SMIM27: variants seen among roughly 807,000 people sequenced by gnomAD.
The protein encoded by SMIM27 is TOPORS antisense RNA 1 (non-protein coding).
In SMIM27, 3 loss-of-function variants were observed where a neutral mutation model predicts 1.8. The observed-to-expected ratio is 1.65, with a 90% confidence interval of 0.75 to 4.28. The LOEUF is 4.28. Among genes scored for constraint, SMIM27 ranks in the 30% most tolerant of loss-of-function variants. The pLI, the probability that SMIM27 is intolerant of heterozygous loss-of-function variation, is 0.02. For synonymous variants in SMIM27, 19 were observed against 13.9 expected (o/e 1.37, Z -0.82); for missense variants, 63 against 37.0 (o/e 1.70, Z -1.83).
downstream of SMIM27, chr9:32,553,749 C>T (rs749741821): frequency 1.5e-6 from 1 of 685,522 alleles, no homozygotes; most frequent in East Asian, 2.7e-5. Context: ...TTGTACAATG[C>T]TTGAAAACAG....
intron 1 of SMIM27, chr9:32,565,297 A>G (rs550576770): frequency 7.2e-5 from 11 of 152,288 alleles, no homozygotes; most frequent in African/African-American, 2.6e-4. Flanking sequence ...GTCTCAAAAA[A>G]AAAAAAGAAA....
At chr9:32,561,493 A>G (rs34866437) in intron 1 of SMIM27, among the ~76,000 whole-genome samples, 15,640 of 151,978 alleles carry the variant, frequency 0.1, 1,035 homozygotes, top group Middle Eastern at 0.28. Context: ...AAGCCCAGCT[A>G]ATTTTTTTGT....
chr9:32,555,872 A>G (rs775548959), downstream of SMIM27, among the ~76,000 whole-genome samples: 3 of 152,232 alleles, frequency 2.0e-5, no homozygotes, highest in African/African-American at 7.2e-5. Flanking sequence ...GTGCCCATTC[A>G]AGTAATTTCT....
At chr9:32,558,112 T>C (rs1038571567) in intron 1 of SMIM27, among the ~76,000 whole-genome samples, 1 of 131,910 alleles carries the variant, frequency 7.6e-6, no homozygotes, top group Non-Finnish European at 1.7e-5. Context: ...ACATTCATAG[T>C]ATACATTTTT....
upstream of SMIM27, chr9:32,551,152 T>G (rs1171735098): frequency 1.1e-5 from 8 of 720,770 alleles, no homozygotes; most frequent in African/African-American, 1.7e-5. Context: ...CCCCCGCCGC[T>G]CCAGACCCCG....
Position 32,559,188 on chromosome 9 carries a change from C to A in SMIM27, c.45+6709C>A, listed in dbSNP as rs536802070. On this transcript the variant is annotated intron_variant, in intron 1 of 1. Coordinates refer to the SMIM27 transcript ENST00000451672. Reference sequence around the variant, plus strand: ...CCAAACTGTTCCTCCCCATGTCCCCCATCTCAGTAAATGACACTCTTATTC... The same window carrying A: ...CCAAACTGTTCCTCCCCATGTCCCCAATCTCAGTAAATGACACTCTTATTC... Among the ~76,000 whole-genome samples the A allele has an allele frequency of 7.6e-4, 116 of 152,262 alleles. No individual in the cohort carries two copies. The Middle Eastern group carries it at 0.01, about 13-fold the overall frequency.
Position 32,566,646 on chromosome 9 carries a change from C to A in SMIM27, c.*193C>A, listed in dbSNP as rs143847186. ...TGCACCCACCATGGAGGAGCAGGAG[C>A]TCACCTCTCTCAGGTAACTCCGGAT... is the stretch of plus-strand genomic sequence containing the variant. On this transcript the variant is annotated 3_prime_UTR_variant, in exon 2 of 2. Transcript: ENST00000451672. 5,949 of 797,796 alleles carry A rather than the reference C, an allele frequency of 7.5e-3. 69 individuals carry two copies. The highest frequency in any genetic ancestry group is 6.4e-3 in the Non-Finnish European group (2,792 of 435,670). 49.4% of individuals were successfully genotyped at this position (797,796 alleles called of 1,614,324 possible).
Position 32,563,491 on chromosome 9 carries a change from C to CTTTTTTTTTTTTTTTTTTTTTTTTT in SMIM27, c.46-2887_46-2886insTTTTTTTTTTTTTTTTTTTTTTTTT, listed in dbSNP as rs111646430. 1.4e-4 allele frequency among the ~76,000 whole-genome samples: 13 copies of CTTTTTTTTTTTTTTTTTTTTTTTTT among 91,986 alleles called. 1 individual carries two copies. Among genetic ancestry groups the CTTTTTTTTTTTTTTTTTTTTTTTTT allele is most frequent in the African/African-American group, 5.8e-4 (13 of 22,582 alleles). The allele number at this position is 91,986 out of a possible 152,430, so 60.3% of individuals were successfully genotyped here. On this transcript the variant is annotated intron_variant, in intron 1 of 1. Coordinates refer to the SMIM27 transcript ENST00000451672. ...CTCCTGAACAGGTGGGACTATTGGG[C>CTTTTTTTTTTTTTTTTTTTTTTTTT]TTTTTTTTTTTTTGGAGGGATGGGG...
downstream of SMIM27, chr9:32,553,199 C>CA (rs1821349987): frequency 4.6e-6 from 1 of 218,898 alleles, no homozygotes; most frequent in Non-Finnish European, 8.9e-6. Context: ...ATTCGGAAAG[C>CA]TTTTTTTTTT....
downstream of SMIM27, among the ~76,000 whole-genome samples, chr9:32,557,238 C>T (rs1821488586): frequency 6.7e-6 from 1 of 149,998 alleles, no homozygotes; most frequent in South Asian, 2.1e-4. Context: ...AAACTCCGCA[C>T]ACTGCAACTT....
intron 1 of SMIM27, 119 bp from the exon 2 acceptor site, chr9:32,552,682 A>C (rs1488963445): frequency 4.6e-6 from 3 of 654,068 alleles, no homozygotes; most frequent in Non-Finnish European, 2.8e-6. Flanking sequence ...CGCCACTGGA[A>C]CCCCATTTAT....
intron 1 of SMIM27, 79 bp from the exon 2 acceptor site, chr9:32,552,722 G>A: frequency 1.5e-6 from 1 of 673,634 alleles, no homozygotes; most frequent in South Asian, 1.6e-5. Flanking sequence ...TCCCACCTTA[G>A]CAATGGCAAC....
At chr9:32,553,431 T>G (rs1284381716), downstream of SMIM27, 2 of 178,250 alleles carry the variant, frequency 1.1e-5, no homozygotes, top group East Asian at 3.5e-4. Flanking sequence ...CTTCGTGATC[T>G]GCCCGCCTCG....
chr9:32,559,027 C>T (rs923455746), intron 1 of SMIM27: 5 of 1,082,034 alleles, frequency 4.6e-6, no homozygotes, highest in South Asian at 4.5e-5. Flanking sequence ...TAGGTCATAC[C>T]CCAAATTTTA....
At chr9:32,552,284 G>A, upstream of SMIM27, 1 of 1,143,948 alleles carries the variant, frequency 8.7e-7, no homozygotes, top group Non-Finnish European at 1.3e-6. Flanking sequence ...CCGGGCGGAA[G>A]AGGCCAGCGA....
chr9:32,566,580 C>T (rs913944108), exon 2 of SMIM27: 3 of 783,036 alleles, frequency 3.8e-6, no homozygotes, highest in Non-Finnish European at 7.1e-6. Context: ...GAGCTTCTGG[C>T]ACATGGAGCG....
downstream of SMIM27, among the ~76,000 whole-genome samples, chr9:32,554,651 G>T (rs1177826237): frequency 6.6e-6 from 1 of 152,172 alleles, no homozygotes; most frequent in Non-Finnish European, 1.5e-5. Context: ...TACTGCTCAG[G>T]ATTATAGTCC....
downstream of SMIM27, among the ~76,000 whole-genome samples, chr9:32,554,279 C>T (rs541933644): frequency 6.6e-6 from 1 of 152,312 alleles, no homozygotes; most frequent in South Asian, 2.1e-4. Flanking sequence ...AAGGAAACAT[C>T]TGCAGTTCCA....
intron 1 of SMIM27, among the ~76,000 whole-genome samples, chr9:32,558,203 C>T (rs534246415): frequency 5.3e-5 from 8 of 150,974 alleles, no homozygotes; most frequent in African/African-American, 1.7e-4. Flanking sequence ...GCTCCACCTC[C>T]CAGGTTCACG....
Sources: gnomAD v4.1 joint callset for allele counts (sites outside exome capture counted in the v4.1 genomes callset) on GRCh38, gnomAD v4.1.1 for gene constraint, MANE v1.5 for transcripts, NCBI Gene and HGNC (gene_info 2026-07-23, HGNC 2026-07-21) for gene names.